Variants in CACNA1E observed in about 807,000 individuals in gnomAD.
CACNA1E encodes the protein calcium voltage-gated channel subunit alpha1 E, also known as voltage-dependent R-type calcium channel subunit alpha-1E.
A neutral mutation model predicts 259.2 loss-of-function variants in CACNA1E; 40 were observed. The ratio of observed to expected loss-of-function variants is 0.15; its 90% confidence interval spans 0.12 to 0.20. The LOEUF (loss-of-function observed/expected upper bound fraction) is 0.20. CACNA1E is among the 10% of genes least tolerant of loss of function. The pLI is 1.00. For missense variants in CACNA1E, 1,874 were observed against 3,040.1 expected (o/e 0.62, Z 9.02); for synonymous variants, 1,104 against 1,138.5 (o/e 0.97, Z 0.61).
chr1:181,512,833 TCTA>T (rs1238596820), intron 3 of CACNA1E, among the ~76,000 whole-genome samples: 1 of 152,234 alleles, frequency 6.6e-6, no homozygotes. Context: ...AAAAGAAAAT[TCTA>T]CTACATTTTA....
chr1:181,366,720 T>C (rs984073610), intron 1 of CACNA1E, among the ~76,000 whole-genome samples: 2 of 152,160 alleles, frequency 1.3e-5, no homozygotes, highest in Non-Finnish European at 2.9e-5. Flanking sequence ...TTGCTTCACT[T>C]CTCTGAACCT....
chr1:181,640,156 C>A (rs1320652739), intron 6 of CACNA1E, among the ~76,000 whole-genome samples: 1 of 152,298 alleles, frequency 6.6e-6, no homozygotes, highest in East Asian at 1.9e-4. Context: ...GACTGACTGT[C>A]CCCAAGGTCT....
chr1:181,590,433 A>ATTG (rs1288562668), intron 6 of CACNA1E, among the ~76,000 whole-genome samples: 3 of 148,706 alleles, frequency 2.0e-5, no homozygotes, highest in Non-Finnish European at 1.5e-5. Flanking sequence ...ATATATATAT[A>ATTG]TATTGTATTT....
chr1:181,429,300 A>G (rs1328221556), intron 2 of CACNA1E, among the ~76,000 whole-genome samples: 2 of 152,106 alleles, frequency 1.3e-5, no homozygotes, highest in African/African-American at 4.8e-5. Flanking sequence ...GGTGGTCCTT[A>G]TTTTGGTTTG....
At chr1:181,439,761 T>C (rs574740583) in intron 2 of CACNA1E, among the ~76,000 whole-genome samples, 8 of 152,280 alleles carry the variant, frequency 5.3e-5, no homozygotes, top group African/African-American at 1.9e-4. Context: ...TGGTCACAGG[T>C]ATAAAAACAT....
In CACNA1E at chr1:181,720,373, C is replaced by A. The variant is rs763153720; in HGVS notation, c.1883+36C>A. The A allele has an allele frequency of 1.2e-5, 20 of 1,600,446 alleles. No individual in the cohort carries two copies. In the African/African-American group the frequency reaches 2.1e-4, roughly 17 times the overall value. ...AGAAGCTTTCCATCCAAAGGAGGCT[C>A]AAAACCCAGTCGTAGCCTGTGTTGG... On this transcript the variant is annotated intron_variant, in intron 14 of 47. Transcript: ENST00000367573.
At chr1:181,465,674 T>A (rs945354800) in intron 2 of CACNA1E, among the ~76,000 whole-genome samples, 2 of 152,210 alleles carry the variant, frequency 1.3e-5, no homozygotes, top group African/African-American at 4.8e-5. Flanking sequence ...ATTTTGTATT[T>A]GCCACTTTTT....
At chr1:181,560,976 T>C (rs1023864766) in intron 3 of CACNA1E, among the ~76,000 whole-genome samples, 3 of 152,152 alleles carry the variant, frequency 2.0e-5, no homozygotes, top group African/African-American at 4.8e-5. Flanking sequence ...CCAAGTGAAA[T>C]AAGCCAGGCA....
chr1:181,477,496 G>C (rs1662940452), intron 2 of CACNA1E, among the ~76,000 whole-genome samples: 2 of 152,182 alleles, frequency 1.3e-5, no homozygotes, highest in African/African-American at 4.8e-5. Context: ...TGTTAAATGG[G>C]TTTATGAATT....
At chr1:181,787,799 G>A (rs1195165651) in intron 43 of CACNA1E, among the ~76,000 whole-genome samples, 1 of 152,154 alleles carries the variant, frequency 6.6e-6, no homozygotes, top group East Asian at 1.9e-4. Flanking sequence ...CTTCAAGAGT[G>A]GTAAGAGAAA....
At chr1:181,683,432 AT>A (rs1049951749) in intron 7 of CACNA1E, among the ~76,000 whole-genome samples, 16 of 152,116 alleles carry the variant, frequency 1.1e-4, no homozygotes, top group Admixed American at 2.6e-4. Flanking sequence ...ATCAGATTTT[AT>A]TTCTTTCTTC....
At chr1:181,696,881 A>G (rs1460570143) in intron 7 of CACNA1E, among the ~76,000 whole-genome samples, 1 of 152,234 alleles carries the variant, frequency 6.6e-6, no homozygotes, top group Non-Finnish European at 1.5e-5. Context: ...AGTGACAACT[A>G]GTGTTTTTCA....
chr1:181,367,337 T>A (rs1654355904), intron 1 of CACNA1E, among the ~76,000 whole-genome samples: 1 of 151,994 alleles, frequency 6.6e-6, no homozygotes, highest in African/African-American at 2.4e-5. Flanking sequence ...TTTTTTTTTT[T>A]CCTGTTTGGG....
At position 181,741,806 on chromosome 1, in the gene CACNA1E, C is replaced by T. The variant is rs146293618; in HGVS notation, c.3719+2553C>T. Among the ~76,000 whole-genome samples, 1,240 of 152,286 alleles carry T rather than the reference C, an allele frequency of 8.1e-3. 10 individuals carry two copies. The highest frequency in any genetic ancestry group is 0.025 in the Admixed American group (381 of 15,300). ...GTGGCAGGGGAAGCCTTAACGGCCC[C>T]GGAGCTGAAGCCTCTCTGTTGGTCC... On this transcript the variant is annotated intron_variant, in intron 25 of 47. Transcript: ENST00000367573.
intron 13 of CACNA1E, 55 bp from the exon 14 acceptor site, chr1:181,720,151 G>T (rs921007944): frequency 1.4e-5 from 22 of 1,604,968 alleles, no homozygotes; most frequent in African/African-American, 9.4e-5. Flanking sequence ...AGCTGGGCTT[G>T]GTGGGTGACT....
chr1:181,418,353 T>A (rs72729379), intron 2 of CACNA1E, among the ~76,000 whole-genome samples: 14,430 of 152,156 alleles, frequency 0.095, 914 homozygotes, highest in South Asian at 0.27. Context: ...CTCAATCTCT[T>A]GCTAGTTTCC....
intron 6 of CACNA1E, among the ~76,000 whole-genome samples, chr1:181,641,213 G>T (rs1407655304): frequency 1.3e-5 from 2 of 152,350 alleles, no homozygotes; most frequent in Non-Finnish European, 2.9e-5. Flanking sequence ...GAAGTAGAAT[G>T]ACATGTTTAG....
intron 32 of CACNA1E, among the ~76,000 whole-genome samples, chr1:181,762,059 G>C (rs1658625811): frequency 6.6e-6 from 1 of 152,204 alleles, no homozygotes; most frequent in Non-Finnish European, 1.5e-5. Context: ...CTTATGACTT[G>C]TGTGACTTTT....
At chr1:181,525,183 A>G (rs1408412082) in intron 3 of CACNA1E, among the ~76,000 whole-genome samples, 1 of 152,226 alleles carries the variant, frequency 6.6e-6, no homozygotes, top group African/African-American at 2.4e-5. Flanking sequence ...ACTCTGTGCA[A>G]TCAGCTTTCT....
Sources: allele counts gnomAD v4.1 joint callset (sites outside exome capture counted in the v4.1 genomes callset), GRCh38; gene constraint gnomAD v4.1.1; transcripts MANE v1.5; gene names NCBI Gene and HGNC (gene_info 2026-07-23, HGNC 2026-07-21).